Variants in SYNE3 observed in about 807,000 individuals in gnomAD.
SYNE3 encodes the protein spectrin repeat containing nuclear envelope family member 3.
SYNE3 carries 100 observed loss-of-function variants against 111.2 expected under a neutral mutation model. The observed-to-expected ratio is 0.90, with a 90% confidence interval of 0.77 to 1.06. The LOEUF is 1.06. SYNE3 is among the 50% of genes least tolerant of loss of function. SYNE3 has a pLI of 0.00. For synonymous variants in SYNE3, 547 were observed against 533.9 expected (o/e 1.02, Z -0.34); for missense variants, 1,160 against 1,240.3 (o/e 0.94, Z 0.97).
chr14:95,484,753 T>G (rs937076020), intron 1 of SYNE3, among the ~76,000 whole-genome samples: 1 of 152,226 alleles, frequency 6.6e-6, no homozygotes. Flanking sequence ...GTGCCTCTCA[T>G]GGATGAAGGA....
intron 10 of SYNE3, chr14:95,443,773 A>G (rs1049760733): frequency 6.6e-6 from 1 of 152,452 alleles, no homozygotes; most frequent in East Asian, 1.9e-4. Flanking sequence ...CGGCCTCCCA[A>G]GTAGCTGGGG....
intron 17 of SYNE3, among the ~76,000 whole-genome samples, chr14:95,427,428 T>C (rs1219550998): frequency 6.6e-6 from 1 of 152,228 alleles, no homozygotes; most frequent in Non-Finnish European, 1.5e-5. Flanking sequence ...CTCCCTGTGA[T>C]GCTGTGCTTC....
chr14:95,432,585 T>C (rs1479742216), intron 16 of SYNE3, among the ~76,000 whole-genome samples: 1 of 151,990 alleles, frequency 6.6e-6, no homozygotes, highest in Non-Finnish European at 1.5e-5. Context: ...TAAAGGGCTG[T>C]TATAAGGACA....
rs1328083805 is a variant in SYNE3 at position 95,485,231 on chromosome 14, C to G, written c.-14-9396G>C. On this transcript the variant is annotated intron_variant, in intron 1 of 17. Transcript: ENST00000682763. The surrounding 1 kb of genome is among the most constrained non-coding windows in gnomAD (Gnocchi z 4.3). Reference sequence around the variant, plus strand: ...GATTAGAAATCAGAAAGCAATGAAACTGCAAAGAACCCCTGCCCTTCTTGC... The same window carrying G: ...GATTAGAAATCAGAAAGCAATGAAAGTGCAAAGAACCCCTGCCCTTCTTGC... Among the ~76,000 whole-genome samples, 3 of 152,286 alleles carry G rather than the reference C, an allele frequency of 2.0e-5. No individual in the cohort carries two copies. The highest frequency in any genetic ancestry group is 7.2e-5 in the African/African-American group (3 of 41,544).
chr14:95,408,708 G>GC lies in SYNE3; in HGVS notation c.*9117dup. ...CATACGCGTGCATCCCTCCCACCCT[G>GC]CCCACCCCTTCACATGCACACACAG... On this transcript the variant is annotated 3_prime_UTR_variant, in exon 18 of 18. Transcript: ENST00000682763. The GC allele has an allele frequency of 3.4e-5, 3 of 89,070 alleles. No homozygotes were observed. The highest frequency in any genetic ancestry group is 2.9e-4 in the Admixed American group (2 of 6,902). 5.5% of individuals were successfully genotyped at this position (89,070 alleles called of 1,614,324 possible).
intron 1 of SYNE3, among the ~76,000 whole-genome samples, chr14:95,504,204 A>G (rs1890442241): frequency 6.6e-6 from 1 of 152,250 alleles, no homozygotes; most frequent in Non-Finnish European, 1.5e-5. Context: ...TCATTTACAT[A>G]GCATCTGTGG....
At chr14:95,462,018 T>A (rs541929724) in intron 4 of SYNE3, among the ~76,000 whole-genome samples, 1 of 152,276 alleles carries the variant, frequency 6.6e-6, no homozygotes, top group African/African-American at 2.4e-5. Context: ...AGTGGTTGGA[T>A]CTCTGGCCAA....
rs752180221 is a variant in SYNE3, at chr14:95,439,776, C to T, written c.2082G>A (p.Val694=). 84 of 1,611,982 alleles carry T rather than the reference C, an allele frequency of 5.2e-5. No individual in the cohort carries two copies. Among genetic ancestry groups the T allele is most frequent in the Non-Finnish European group, 6.9e-5 (81 of 1,178,898 alleles). ...ESQEAEFERL[V]AEFPEKEAQL... ...GGGCCTCCTTCTCCGGGAATTCTGC[C>T]ACCAGCCTCTAAAGGACACACGGAC... The change falls in exon 13 of 18, where the codon GTG becomes GTA. Residue 694 remains valine, a synonymous_variant. Transcript: ENST00000682763.
rs1283904428 is a variant in SYNE3, at chr14:95,450,011, C to T, written c.1369G>A (p.Ala457Thr). 3 of 1,556,630 alleles carry T rather than the reference C, an allele frequency of 1.9e-6. No individual in the cohort carries two copies. Among genetic ancestry groups the T allele is most frequent in the Non-Finnish European group, 2.6e-6 (3 of 1,150,004 alleles). Residue 457 changes from alanine (A) to threonine (T), a missense_variant, in exon 8 of 18, where the codon GCC (alanine) becomes ACC (threonine). Transcript: ENST00000682763. ...RPLQDLQLWK[A>T]LAQRLLEVTA... ...ACCTCCAAGAGCCGCTGGGCCAGGG[C>T]CTTCCACAGCTGCAGATCCTGCAGA...
intron 17 of SYNE3, among the ~76,000 whole-genome samples, chr14:95,421,523 G>A (rs1010629515): frequency 6.6e-6 from 1 of 152,196 alleles, no homozygotes; most frequent in Non-Finnish European, 1.5e-5. Context: ...GCCTCTCAGA[G>A]CCTCAGTTTC....
At chr14:95,435,418 G>A (rs142692156) in intron 15 of SYNE3, among the ~76,000 whole-genome samples, 3,102 of 152,196 alleles carry the variant, frequency 0.02, 60 homozygotes, top group South Asian at 0.082. Flanking sequence ...AAACTATCCA[G>A]AATGCAAAAC....
chr14:95,484,025 C>T (rs542976806), intron 1 of SYNE3, among the ~76,000 whole-genome samples: 147 of 152,338 alleles, frequency 9.6e-4, no homozygotes, highest in African/African-American at 3.5e-3. Context: ...GATGCACCTG[C>T]TTCTCCAGAT....
At chr14:95,480,303 G>A (rs765828501) in intron 1 of SYNE3, among the ~76,000 whole-genome samples, 3 of 152,220 alleles carry the variant, frequency 2.0e-5, no homozygotes, top group East Asian at 1.9e-4. Context: ...TCATGCTGGC[G>A]CTGGTGTATG....
At chr14:95,463,280 G>T (rs1394231481) in intron 4 of SYNE3, among the ~76,000 whole-genome samples, 1 of 152,214 alleles carries the variant, frequency 6.6e-6, no homozygotes, top group Non-Finnish European at 1.5e-5. Context: ...GAGCTGTGAT[G>T]TCTATAGCGT....
intron 8 of SYNE3, among the ~76,000 whole-genome samples, chr14:95,449,231 C>T (rs1360854476): frequency 3.2e-4 from 49 of 152,206 alleles, no homozygotes; most frequent in Admixed American, 3.2e-3. Flanking sequence ...AGTTCCGAGG[C>T]ACTGAGTCTA....
intron 10 of SYNE3, chr14:95,443,577 C>T (rs1886529006): frequency 2.8e-6 from 1 of 359,712 alleles, no homozygotes; most frequent in Non-Finnish European, 5.0e-6. Context: ...CATTGGGACT[C>T]ATACTTGATG....
chr14:95,486,714 T>G (rs1459409246), intron 1 of SYNE3, among the ~76,000 whole-genome samples: 1 of 152,238 alleles, frequency 6.6e-6, no homozygotes, highest in Non-Finnish European at 1.5e-5. Context: ...AACAAGGACT[T>G]GAGAAATGAC....
rs756343495 is a variant in SYNE3, at chr14:95,417,925, C to T, written c.2829G>A (p.Leu943=). ...TGCGGTCCTCTTCCCTGATTGGGAG[C>T]AGGAACAGCAGGAGGAGGAACAGCA... ...LLLLFLLLLF[L]LPIREEDRSC... Residue 943 remains leucine (L), a synonymous_variant, in exon 18 of 18, where the codon CTG becomes CTA. Coordinates refer to ENST00000682763, the MANE Select transcript of SYNE3 (RefSeq NM_152592.6). 2 of 1,614,090 alleles carry T rather than the reference C, an allele frequency of 1.2e-6. No individual in the cohort carries two copies. The highest frequency in any genetic ancestry group is 1.1e-5 in the South Asian group (1 of 91,068).
At chr14:95,449,806 G>T in intron 8 of SYNE3, 125 bp downstream of exon 8, 22 of 1,425,294 alleles carry the variant, frequency 1.5e-5, no homozygotes, top group Non-Finnish European at 2.0e-5. Flanking sequence ...CAGACCGGGC[G>T]CAGTGAGCTC....
Sources: allele counts gnomAD v4.1 joint callset (sites outside exome capture counted in the v4.1 genomes callset), GRCh38; gene constraint gnomAD v4.1.1; non-coding constraint Gnocchi (gnomAD v3.1); transcripts MANE v1.5; gene names NCBI Gene and HGNC (gene_info 2026-07-23, HGNC 2026-07-21).